Variants in MIA3 observed in about 807,000 individuals in gnomAD.
MIA3 encodes MIA SH3 domain ER export factor 3.
MIA3 carries 90 observed loss-of-function variants against 192.4 expected under a neutral mutation model. The ratio of observed to expected loss-of-function variants is 0.47; its 90% confidence interval spans 0.39 to 0.56. The LOEUF (loss-of-function observed/expected upper bound fraction) is 0.56. MIA3 is among the 20% of genes least tolerant of loss of function. The pLI, the probability that MIA3 is intolerant of heterozygous loss-of-function variation, is 0.00. For synonymous variants in MIA3, 740 were observed against 792.8 expected, an observed-to-expected ratio of 0.93 and a Z score of 1.12; for missense variants, 2,123 against 2,269.4, an observed-to-expected ratio of 0.94 and a Z score of 1.31.
At chr1:222,634,923 T>C (rs1201474714) in intron 6 of MIA3, among the ~76,000 whole-genome samples, 1 of 152,196 alleles carries the variant, frequency 6.6e-6, no homozygotes, top group Non-Finnish European at 1.5e-5. Flanking sequence ...CATACTCCAA[T>C]TGTTGGTAAG....
chr1:222,644,413 A>C (rs147973663), intron 6 of MIA3: 1 of 1,541,968 alleles, frequency 6.5e-7, no homozygotes, highest in Admixed American at 2.0e-5. Flanking sequence ...GGAAGCTCTG[A>C]AAAACAGGGG....
At position 222,628,160 on chromosome 1, in the gene MIA3, G is replaced by T. The variant is rs759433466; in HGVS notation, c.940G>T (p.Val314Phe). 6.2e-7 allele frequency: 1 copy of T among 1,614,006 alleles called. No homozygotes were observed. Among genetic ancestry groups the T allele is most frequent in the Non-Finnish European group, 8.5e-7 (1 of 1,180,018 alleles). ...DEELDTEYYA[V>F]GKEDEENQED... is the part of the protein sequence containing the mutation. Reference sequence around the variant, plus strand: ...GGAATTGGATACTGAGTATTATGCAGTTGGAAAGGAAGATGAGGAGAACCA... The same window carrying T: ...GGAATTGGATACTGAGTATTATGCATTTGGAAAGGAAGATGAGGAGAACCA... The change falls in exon 4 of 28, where the codon GTT (valine) becomes TTT (phenylalanine). Residue 314 changes from valine to phenylalanine, a missense_variant. Transcript: ENST00000344922.
At chr1:222,644,418 CAG>C (rs901899826) in intron 6 of MIA3, 21 of 1,545,418 alleles carry the variant, frequency 1.4e-5, no homozygotes, top group South Asian at 7.2e-5. Context: ...CTCTGAAAAA[CAG>C]GGGGCCCAGT....
rs775327468 is a variant in MIA3 at position 222,645,609 on chromosome 1, C to T, written c.3533C>T (p.Pro1178Leu). The T allele has an allele frequency of 1.9e-6, 3 of 1,613,520 alleles. No homozygotes were observed. Among genetic ancestry groups the T allele is most frequent in the Admixed American group, 3.3e-5 (2 of 59,982 alleles). The change falls in exon 7 of 28, where the codon CCA (proline) becomes CTA (leucine). Residue 1178 changes from proline (P) to leucine (L), a missense_variant. By Grantham distance (98) the Pro-to-Leu change is moderately conservative. Around this residue, in one of 3 missense-constraint regions of MIA3, gnomAD observed 4 missense variants for 16.9 expected, o/e 0.24. Transcript: ENST00000344922. ...VQPGPDFYGL[P>L]WKPVFITAFL... ...CCTGGGCCTGATTTTTATGGACTGC[C>T]ATGGAAACCTGTATTTATCACTGCC... is the stretch of plus-strand genomic sequence containing the variant.
intron 18 of MIA3, among the ~76,000 whole-genome samples, chr1:222,658,173 T>C (rs982592237): frequency 1.3e-5 from 2 of 152,236 alleles, no homozygotes; most frequent in Non-Finnish European, 2.9e-5. Context: ...TGCTTTATCA[T>C]GATTCCATTG....
rs1663924110 is a variant in MIA3, at chr1:222,659,940, CAAG to C, written c.4915_4917del (p.Glu1639del). The C allele has an allele frequency of 1.2e-6, 2 of 1,613,718 alleles. No individual in the cohort carries two copies. Among genetic ancestry groups the C allele is most frequent in the East Asian group, 2.2e-5 (1 of 44,856 alleles). On this transcript the variant is annotated inframe_deletion, in exon 23 of 28. Transcript: ENST00000344922. ...ATTAACACAAAAGATGGCAATGCTG[CAAG>C]AAGAACCTGTGATTGTAAAACCAAT...
chr1:222,667,133 AAAC>A lies in MIA3; in HGVS notation c.*1518_*1520del, dbSNP rs1474832096. 1 of 152,238 alleles carries A rather than the reference AAAC, an allele frequency of 6.6e-6. No individual in the cohort carries two copies. The highest frequency in any genetic ancestry group is 1.5e-5 in the Non-Finnish European group (1 of 68,038). The allele number at this position is 152,238 out of a possible 1,614,324, so 9.4% of individuals were successfully genotyped here. A position where few individuals can be genotyped will look rare whatever the true frequency, so the allele number is the denominator to read the frequency against. On this transcript the variant is annotated 3_prime_UTR_variant, in exon 28 of 28. Coordinates refer to ENST00000344922, the MANE Select transcript of MIA3 (RefSeq NM_198551.4). ...TGAAACAATTTTCTCTCTTTATACT[AAAC>A]AACTGAAGATAGATAGTTTAGAAAG...
At chr1:222,638,641 G>A (rs767805351) in intron 6 of MIA3, among the ~76,000 whole-genome samples, 3 of 152,048 alleles carry the variant, frequency 2.0e-5, no homozygotes, top group Non-Finnish European at 2.9e-5. Flanking sequence ...AGGCTGCAGT[G>A]AGCAGAGATT....
At chr1:222,623,022 G>A (rs192516376) in intron 2 of MIA3, among the ~76,000 whole-genome samples, 3 of 152,312 alleles carry the variant, frequency 2.0e-5, no homozygotes, top group African/African-American at 4.8e-5. Context: ...CTTAGCTCAC[G>A]TAAAGTGAAA....
At position 222,630,356 on chromosome 1, in the gene MIA3, C is replaced by T; in HGVS notation, c.3136C>T (p.Pro1046Ser). ...GACAGCCACACTGGTGATGGCACCA[C>T]CTCTAGAGGAAGGCTTGGGTGGAGC... is the stretch of plus-strand genomic sequence containing the variant. ...EETATLVMAPPLEEGLGGAME... is the reference protein window; with the variant it reads ...EETATLVMAPSLEEGLGGAME... Residue 1046 changes from proline to serine, a missense_variant, in exon 4 of 28, where the codon CCT becomes TCT. Physicochemically the swap from Pro to Ser is moderately conservative, Grantham distance 74. Transcript: ENST00000344922. 6.2e-7 allele frequency: 1 copy of T among 1,611,260 alleles called. No homozygotes were observed. Among genetic ancestry groups the T allele is most frequent in the Non-Finnish European group, 8.5e-7 (1 of 1,178,426 alleles).
chr1:222,636,382 T>C (rs1250317980), intron 6 of MIA3, among the ~76,000 whole-genome samples: 1 of 152,134 alleles, frequency 6.6e-6, no homozygotes, highest in Non-Finnish European at 1.5e-5. Context: ...TTTTTTCCTT[T>C]AGTTATTCTT....
intron 26 of MIA3, among the ~76,000 whole-genome samples, chr1:222,663,478 G>C (rs982587452): frequency 6.6e-6 from 1 of 152,176 alleles, no homozygotes; most frequent in Admixed American, 6.5e-5. Flanking sequence ...CTCTGCGCCT[G>C]TGTTCCTGCA....
intron 6 of MIA3, chr1:222,644,394 T>C (rs1188452866): frequency 2.6e-6 from 4 of 1,536,374 alleles, no homozygotes; most frequent in Non-Finnish European, 3.5e-6. Context: ...TTGGGGCCTT[T>C]CCGGAGGAGG....
chr1:222,655,294 G>A (rs1229879296), intron 18 of MIA3, among the ~76,000 whole-genome samples: 1 of 152,184 alleles, frequency 6.6e-6, no homozygotes, highest in East Asian at 1.9e-4. Context: ...TAGGAGTTTT[G>A]AATGTAGAAC....
At chr1:222,644,619 G>A in intron 6 of MIA3, 1 of 1,550,064 alleles carries the variant, frequency 6.5e-7, no homozygotes, top group South Asian at 1.2e-5. Flanking sequence ...AGGGACCCAA[G>A]CTGTCACAGG....
chr1:222,632,459 G>A (rs920958652), intron 5 of MIA3, 133 bp downstream of exon 5: 1 of 745,608 alleles, frequency 1.3e-6, no homozygotes, highest in Non-Finnish European at 2.1e-6. Flanking sequence ...CTAATTGAGA[G>A]AAAAGCAGGC....
chr1:222,632,275 C>CA lies in MIA3; in HGVS notation c.3281dup (p.His1094GlnfsTer12). The CA allele has an allele frequency of 6.2e-7, 1 of 1,614,150 alleles. No homozygotes were observed. Among genetic ancestry groups the CA allele is most frequent in the Non-Finnish European group, 8.5e-7 (1 of 1,179,978 alleles). ...GGACCAACGTGTGATTGGGGACACT[C>CA]ATGCCTCAGAAGTGTCACAGAAGCC... On this transcript the variant is annotated frameshift_variant, in exon 5 of 28. Coordinates refer to ENST00000344922, the MANE Select transcript of MIA3 (RefSeq NM_198551.4). LOFTEE classifies it high-confidence loss of function.
chr1:222,651,730 T>C (rs913395550), intron 11 of MIA3, among the ~76,000 whole-genome samples: 2 of 152,186 alleles, frequency 1.3e-5, no homozygotes, highest in Non-Finnish European at 2.9e-5. Context: ...AGTCTGGTCA[T>C]CTACCACATT....
intron 6 of MIA3, among the ~76,000 whole-genome samples, chr1:222,635,282 A>G (rs767060598): frequency 2.0e-5 from 3 of 152,218 alleles, no homozygotes; most frequent in Non-Finnish European, 4.4e-5. Context: ...TGTAGAAGGA[A>G]TTCTTTATTC....
Sources: allele counts gnomAD v4.1 joint callset (sites outside exome capture counted in the v4.1 genomes callset), GRCh38; gene constraint gnomAD v4.1.1; regional missense constraint gnomAD v4.1.1; transcripts MANE v1.5; gene names NCBI Gene and HGNC (gene_info 2026-07-23, HGNC 2026-07-21).